The following DLG1 variants were observed in gnomAD, a reference collection of about 807,000 sequenced individuals.
DLG1 encodes the protein disks large homolog 1.
A neutral mutation model predicts 123.4 loss-of-function variants in DLG1; 42 were observed. The observed-to-expected ratio is 0.34, with a 90% confidence interval of 0.27 to 0.44. The LOEUF (loss-of-function observed/expected upper bound fraction) is 0.44. Among genes scored for constraint, DLG1 ranks in the 20% least tolerant of loss-of-function variants. The probability of loss-of-function intolerance (pLI) is 1.00; values close to 1 mark genes in which losing one functional copy is unlikely to be tolerated. For synonymous variants in DLG1, 317 were observed against 356.2 expected (o/e 0.89, Z 1.24); for missense variants, 942 against 1,082.6 (o/e 0.87, Z 1.82).
rs146517140 is a variant in DLG1, at chr3:197,065,957, G to A, written c.2099-148C>T. On this transcript the variant is annotated intron_variant, in intron 20 of 24. Transcript: ENST00000667157. Reference sequence around the variant, plus strand: ...TCACTCTACCATCAACCAAAGATGCGTAACTTGCTCTTTTATAATCTTGAC... The same window carrying A: ...TCACTCTACCATCAACCAAAGATGCATAACTTGCTCTTTTATAATCTTGAC... 573 of 542,158 alleles carry A rather than the reference G, an allele frequency of 1.1e-3. 5 individuals carry two copies. Among genetic ancestry groups the A allele is most frequent in the African/African-American group, 4.4e-3 (229 of 51,968 alleles). 33.6% of individuals were successfully genotyped at this position (542,158 alleles called of 1,614,324 possible).
chr3:197,178,911 T>C (rs913046977), intron 5 of DLG1, among the ~76,000 whole-genome samples: 4 of 152,140 alleles, frequency 2.6e-5, no homozygotes, highest in Non-Finnish European at 5.9e-5. Context: ...ATAGGACTTA[T>C]AGAGGCAAGT....
intron 13 of DLG1, among the ~76,000 whole-genome samples, chr3:197,107,203 T>C (rs1468509544): frequency 6.6e-6 from 1 of 152,176 alleles, no homozygotes; most frequent in African/African-American, 2.4e-5. Context: ...AGTACTTCAT[T>C]CCTTATATTT....
At chr3:197,255,581 A>G (rs1756463610) in intron 4 of DLG1, among the ~76,000 whole-genome samples, 1 of 152,236 alleles carries the variant, frequency 6.6e-6, no homozygotes, top group Non-Finnish European at 1.5e-5. Context: ...TGTTTTACAC[A>G]GCTTTCTTCA....
chr3:197,090,351 C>A (rs1173391835), intron 15 of DLG1, among the ~76,000 whole-genome samples: 1 of 151,196 alleles, frequency 6.6e-6, no homozygotes, highest in Non-Finnish European at 1.5e-5. Context: ...CTAATATCAC[C>A]TATTTATTAG....
intron 13 of DLG1, among the ~76,000 whole-genome samples, chr3:197,106,974 T>C (rs1018299457): frequency 6.6e-6 from 1 of 152,182 alleles, no homozygotes; most frequent in Non-Finnish European, 1.5e-5. Flanking sequence ...AATTCCAAAA[T>C]ATTTTCATTA....
chr3:197,138,231 C>G lies in DLG1; in HGVS notation c.874G>C (p.Gly292Arg). 1.3e-6 allele frequency: 2 copies of G among 1,574,176 alleles called. No individual in the cohort carries two copies. Among genetic ancestry groups the G allele is most frequent in the Non-Finnish European group, 1.7e-6 (2 of 1,155,128 alleles). Residue 292 changes from glycine (G) to arginine (R), a missense_variant, in exon 9 of 25, where the codon GGT (glycine) becomes CGT (arginine). Physicochemically the swap from Gly to Arg is moderately radical, Grantham distance 125. Coordinates refer to ENST00000667157, the MANE Select transcript of DLG1 (RefSeq NM_001366207.1). ...EKIMEIKLIK[G>R]PKGLGFSIAG... is the part of the protein sequence containing the mutation. The stretch of plus-strand genomic sequence containing the variant: ...TTGACTTACCACATACCTTTAGGAC[C>G]TTTAATGAGCTTTATTTCCATTATT...
chr3:197,186,100 T>A (rs185572147), intron 5 of DLG1, among the ~76,000 whole-genome samples: 3 of 152,206 alleles, frequency 2.0e-5, no homozygotes, highest in Admixed American at 1.3e-4. Context: ...GACTTCTTTA[T>A]GAAAATGTCC....
At chr3:197,093,967 T>G (rs1235757456) in intron 14 of DLG1, among the ~76,000 whole-genome samples, 3 of 152,176 alleles carry the variant, frequency 2.0e-5, no homozygotes, top group Non-Finnish European at 4.4e-5. Flanking sequence ...AAGGTCAGAT[T>G]AGAAGAGGCC....
At chr3:197,244,236 G>C (rs1221385619) in intron 4 of DLG1, among the ~76,000 whole-genome samples, 1 of 152,214 alleles carries the variant, frequency 6.6e-6, no homozygotes, top group African/African-American at 2.4e-5. Context: ...GGACTTGAGG[G>C]AATAGCAGAG....
intron 23 of DLG1, 143 bp downstream of exon 23, chr3:197,059,746 C>T: frequency 2.0e-6 from 1 of 493,056 alleles, no homozygotes; most frequent in Non-Finnish European, 3.6e-6. Flanking sequence ...CTTATTTAAT[C>T]CTCACCACAT....
intron 24 of DLG1, among the ~76,000 whole-genome samples, chr3:197,048,646 G>T (rs999101866): frequency 2.0e-5 from 3 of 152,084 alleles, no homozygotes; most frequent in South Asian, 4.2e-4. Context: ...CATTCCTCAA[G>T]AAATTATTAT....
chr3:197,065,548 GATTA>G (rs1171663948), intron 21 of DLG1, 100 bp from the exon 22 acceptor site: 6 of 1,141,214 alleles, frequency 5.3e-6, no homozygotes, highest in South Asian at 3.1e-5. Flanking sequence ...CAACAGAACA[GATTA>G]ATTTAAATCT....
At chr3:197,192,313 T>A (rs963192136) in intron 5 of DLG1, among the ~76,000 whole-genome samples, 3 of 151,996 alleles carry the variant, frequency 2.0e-5, no homozygotes, top group Non-Finnish European at 4.4e-5. Flanking sequence ...AAACATTACA[T>A]ATTCAAACTT....
intron 1 of DLG1, chr3:197,297,622 G>T (rs926537658): frequency 2.0e-6 from 2 of 1,003,552 alleles, no homozygotes; most frequent in Non-Finnish European, 1.2e-6. Flanking sequence ...GCTGAGAGGG[G>T]ACCAGCGGGA....
chr3:197,290,926 GT>G (rs142491564), intron 3 of DLG1, among the ~76,000 whole-genome samples: 18,158 of 143,292 alleles, frequency 0.13, 1,551 homozygotes, highest in African/African-American at 0.24. Flanking sequence ...AAAAAAGTCA[GT>G]CTCACACAAG....
At chr3:197,259,199 C>T (rs547674231) in intron 4 of DLG1, among the ~76,000 whole-genome samples, 1 of 152,234 alleles carries the variant, frequency 6.6e-6, no homozygotes, top group East Asian at 1.9e-4. Flanking sequence ...ACCCTGTTTT[C>T]CAGGATTATG....
chr3:197,238,799 C>A (rs763554154), intron 4 of DLG1, among the ~76,000 whole-genome samples: 37 of 152,056 alleles, frequency 2.4e-4, no homozygotes, highest in Non-Finnish European at 5.1e-4. Context: ...CACAAAAACA[C>A]AACATAACAA....
intron 15 of DLG1, among the ~76,000 whole-genome samples, chr3:197,089,505 T>C (rs1756448759): frequency 1.4e-5 from 2 of 148,128 alleles, no homozygotes; most frequent in Non-Finnish European, 3.0e-5. Context: ...TCAGCCTGGG[T>C]GACAAAGTGA....
intron 5 of DLG1, among the ~76,000 whole-genome samples, chr3:197,181,545 C>T (rs2150136037): frequency 6.6e-6 from 1 of 152,234 alleles, no homozygotes; most frequent in South Asian, 2.1e-4. Flanking sequence ...ATTCTAGTAT[C>T]AAGTAAGATC....
Sources: gnomAD v4.1 joint callset for allele counts (sites outside exome capture counted in the v4.1 genomes callset) on GRCh38, gnomAD v4.1.1 for gene constraint, MANE v1.5 for transcripts, NCBI Gene and HGNC (gene_info 2026-07-23, HGNC 2026-07-21) for gene names.